ANKS1B: variants seen among roughly 807,000 people sequenced by gnomAD.
The protein encoded by ANKS1B is ankyrin repeat and sterile alpha motif domain-containing protein 1B.
Under a neutral mutation model 148.3 loss-of-function variants are expected in ANKS1B, and 36 were observed. The ratio of observed to expected loss-of-function variants is 0.24; its 90% confidence interval spans 0.19 to 0.32. The LOEUF is 0.32. ANKS1B is among the 10% of genes least tolerant of loss of function. The pLI is 1.00. For missense variants in ANKS1B, 1,157 were observed against 1,542.6 expected (o/e 0.75, Z 4.19); for synonymous variants, 542 against 560.8 (o/e 0.97, Z 0.47).
intron 1 of ANKS1B, among the ~76,000 whole-genome samples, chr12:99,957,687 A>G (rs867715798): frequency 1.1e-4 from 17 of 152,348 alleles, no homozygotes; most frequent in African/African-American, 4.1e-4. Context: ...TAGAACATGT[A>G]TGGCAATGGG....
intron 25 of ANKS1B, among the ~76,000 whole-genome samples, chr12:98,756,593 G>A (rs1277570782): frequency 6.6e-6 from 1 of 151,352 alleles, no homozygotes; most frequent in African/African-American, 2.4e-5. Context: ...AGGCTTTGTG[G>A]CAGGCACCTG....
Position 99,609,339 on chromosome 12 carries a change from T to A in ANKS1B, c.1272+45728A>T, listed in dbSNP as rs560390960. Among the ~76,000 whole-genome samples the A allele has an allele frequency of 5.9e-5, 9 of 152,038 alleles. 1 individual carries two copies. In the South Asian group the frequency reaches 1.5e-3, roughly 25 times the overall value. ...AAACCAAAGGAAGGTATCCATCAAG[T>A]AACTCAGAACCAAAACCAGTAAGTC... On this transcript the variant is annotated intron_variant, in intron 9 of 26. Coordinates refer to ENST00000683438, the MANE Select transcript of ANKS1B (RefSeq NM_001352186.2).
At chr12:99,946,783 G>A (rs1385519036) in intron 1 of ANKS1B, among the ~76,000 whole-genome samples, 1 of 152,066 alleles carries the variant, frequency 6.6e-6, no homozygotes, top group African/African-American at 2.4e-5. Context: ...TTGCACCTCT[G>A]CTATGGGCAT....
chr12:99,943,779 T>C (rs916944712), intron 1 of ANKS1B, among the ~76,000 whole-genome samples: 2 of 152,098 alleles, frequency 1.3e-5, no homozygotes, highest in Non-Finnish European at 2.9e-5. Context: ...TCACTGTTCA[T>C]GGTTCTAAGC....
At chr12:99,084,715 C>T (rs1017967301) in intron 16 of ANKS1B, among the ~76,000 whole-genome samples, 3 of 152,098 alleles carry the variant, frequency 2.0e-5, no homozygotes, top group Non-Finnish European at 2.9e-5. Context: ...GAGACCTTGT[C>T]TCAAAACAAA....
intron 9 of ANKS1B, among the ~76,000 whole-genome samples, chr12:99,592,490 A>C (rs1263896494): frequency 6.6e-6 from 1 of 151,946 alleles, no homozygotes. Context: ...GAAAAAAAAA[A>C]AAGGTGAAAA....
chr12:99,789,840 C>T (rs2065432066), intron 4 of ANKS1B, among the ~76,000 whole-genome samples: 1 of 152,062 alleles, frequency 6.6e-6, no homozygotes, highest in African/African-American at 2.4e-5. Context: ...GAATAAAAAG[C>T]AATGAAACCT....
Position 99,842,936 on chromosome 12 carries a change from G to A in ANKS1B, c.135-17547C>T, listed in dbSNP as rs185366244. Among the ~76,000 whole-genome samples the A allele has an allele frequency of 1.0e-3, 156 of 152,056 alleles. 1 individual carries two copies. The highest frequency in any genetic ancestry group is 1.2e-3 in the South Asian group (6 of 4,806). ...ACTATTTAGTTCGTCTACTTCATTC[G>A]CAAATTTTTGGAAATGTTACCATAC... On this transcript the variant is annotated intron_variant, in intron 1 of 26. Coordinates refer to ENST00000683438, the MANE Select transcript of ANKS1B (RefSeq NM_001352186.2).
intron 16 of ANKS1B, among the ~76,000 whole-genome samples, chr12:99,056,606 G>C (rs911834853): frequency 1.1e-4 from 16 of 152,116 alleles, no homozygotes; most frequent in African/African-American, 3.9e-4. Context: ...TCCTATTCCA[G>C]CATTCAAGGC....
chr12:99,556,896 C>T (rs1486135210), intron 9 of ANKS1B, among the ~76,000 whole-genome samples: 1 of 152,100 alleles, frequency 6.6e-6, no homozygotes, highest in Non-Finnish European at 1.5e-5. Flanking sequence ...GCGCCATGTG[C>T]AGATCAGAAG....
intron 20 of ANKS1B, among the ~76,000 whole-genome samples, chr12:98,803,254 G>C (rs10492276): frequency 0.27 from 40,558 of 152,032 alleles, 5,904 homozygotes; most frequent in Non-Finnish European, 0.33. Flanking sequence ...TTGAAGCTGA[G>C]TGTAATAACC....
At chr12:99,917,382 C>A (rs1375391412) in intron 1 of ANKS1B, among the ~76,000 whole-genome samples, 1 of 152,176 alleles carries the variant, frequency 6.6e-6, no homozygotes, top group Non-Finnish European at 1.5e-5. Flanking sequence ...AACTGACTAG[C>A]CATAATGTCA....
At chr12:99,203,253 T>G (rs1196743974) in intron 14 of ANKS1B, among the ~76,000 whole-genome samples, 1 of 152,280 alleles carries the variant, frequency 6.6e-6, no homozygotes, top group South Asian at 2.1e-4. Context: ...GTCCTACCTC[T>G]TTTGCGTTGC....
chr12:99,864,414 C>T (rs1046479928), intron 1 of ANKS1B, among the ~76,000 whole-genome samples: 3 of 152,164 alleles, frequency 2.0e-5, no homozygotes, highest in Non-Finnish European at 4.4e-5. Context: ...ACACAATCTC[C>T]TTCATATACT....
chr12:99,135,509 G>A (rs2067723677), intron 15 of ANKS1B, among the ~76,000 whole-genome samples: 1 of 152,188 alleles, frequency 6.6e-6, no homozygotes, highest in Non-Finnish European at 1.5e-5. Flanking sequence ...GAAACTTCCA[G>A]AGAGGGAGAA....
intron 15 of ANKS1B, among the ~76,000 whole-genome samples, chr12:99,085,781 C>G (rs1386098139): frequency 1.3e-5 from 2 of 152,156 alleles, no homozygotes; most frequent in Non-Finnish European, 2.9e-5. Flanking sequence ...CCAAACACCA[C>G]ATGTTCTCGC....
intron 1 of ANKS1B, among the ~76,000 whole-genome samples, chr12:99,973,056 GAA>G: frequency 6.6e-6 from 1 of 152,220 alleles, no homozygotes; most frequent in East Asian, 1.9e-4. Context: ...ACCACTCACA[GAA>G]AAAAAGATTC....
At chr12:99,620,389 G>T (rs2098032802) in intron 9 of ANKS1B, among the ~76,000 whole-genome samples, 1 of 152,088 alleles carries the variant, frequency 6.6e-6, no homozygotes, top group African/African-American at 2.4e-5. Flanking sequence ...AGCCAAAATG[G>T]AAACTCAAAA....
At chr12:99,939,735 T>G (rs2153815064) in intron 1 of ANKS1B, among the ~76,000 whole-genome samples, 1 of 152,360 alleles carries the variant, frequency 6.6e-6, no homozygotes, top group South Asian at 2.1e-4. Flanking sequence ...TGTATTTATT[T>G]AATGCTCACC....
Sources: allele counts gnomAD v4.1 joint callset (sites outside exome capture counted in the v4.1 genomes callset), GRCh38; gene constraint gnomAD v4.1.1; transcripts MANE v1.5; gene names NCBI Gene and HGNC (gene_info 2026-07-23, HGNC 2026-07-21).